The following MAPKAPK5 variants were observed in gnomAD, a reference collection of about 807,000 sequenced individuals.
The protein encoded by MAPKAPK5 is MAPK activated protein kinase 5.
Under a neutral mutation model 65.1 loss-of-function variants are expected in MAPKAPK5, and 30 were observed. The ratio of observed to expected loss-of-function variants is 0.46; its 90% CI spans 0.34 to 0.63. The LOEUF is 0.63. Ranked by LOEUF, MAPKAPK5 falls within the 20% of genes least tolerant of loss-of-function variation. The pLI is 0.01. For missense variants in MAPKAPK5, 433 were observed against 581.4 expected (o/e 0.74, Z 2.63); for synonymous variants, 179 against 204.6 (o/e 0.87, Z 1.07).
At chr12:111,875,297 G>A (rs2069925376) in intron 7 of MAPKAPK5, among the ~76,000 whole-genome samples, 1 of 152,068 alleles carries the variant, frequency 6.6e-6, no homozygotes, top group East Asian at 1.9e-4. Flanking sequence ...TGTGAGTTTT[G>A]TTGTTGCTAT....
At chr12:111,855,941 T>TG (rs2069225523) in intron 1 of MAPKAPK5, among the ~76,000 whole-genome samples, 2 of 150,008 alleles carry the variant, frequency 1.3e-5, no homozygotes, top group Admixed American at 1.3e-4. Context: ...CCGCAACCTC[T>TG]GCCTCCCAGG....
intron 7 of MAPKAPK5, among the ~76,000 whole-genome samples, chr12:111,875,613 C>T (rs1376486383): frequency 6.6e-6 from 1 of 151,978 alleles, no homozygotes; most frequent in East Asian, 1.9e-4. Context: ...GACCTGTGTT[C>T]TTGAGTCTCA....
chr12:111,900,702 A>G lies in MAPKAPK5; in HGVS notation c.*7641A>G, dbSNP rs1336885993. On this transcript the variant is annotated 3_prime_UTR_variant, in exon 14 of 14. Coordinates refer to ENST00000550735, the MANE Select transcript of MAPKAPK5 (RefSeq NM_003668.4). ...GTGCAGTGATGGTCCATGTTGTCATAAGTGTAAATTTCACCGTAAGGGATA... is the reference window on the plus strand; with the variant it reads ...GTGCAGTGATGGTCCATGTTGTCATGAGTGTAAATTTCACCGTAAGGGATA... 2.2e-6 allele frequency: 1 copy of G among 456,010 alleles called. No homozygotes were observed. Among genetic ancestry groups the G allele is most frequent in the Non-Finnish European group, 4.4e-6 (1 of 226,808 alleles). 28.2% of individuals were successfully genotyped at this position (456,010 alleles called of 1,614,324 possible). A position where few individuals can be genotyped will look rare whatever the true frequency, so the allele number is the denominator to read the frequency against.
chr12:111,893,050 G>A lies in MAPKAPK5; in HGVS notation c.1405G>A (p.Glu469Lys), dbSNP rs773696015. 1.5e-5 allele frequency: 24 copies of A among 1,573,306 alleles called. No homozygotes were observed. Among genetic ancestry groups the A allele is most frequent in the Non-Finnish European group, 2.0e-5 (23 of 1,158,768 alleles). The change falls in exon 14 of 14, where the codon GAA (glutamate) becomes AAA (lysine). Residue 469 changes from glutamate (E) to lysine (K), a missense_variant. By Grantham distance (56) the Glu-to-Lys change is moderately conservative. Coordinates refer to ENST00000550735, the MANE Select transcript of MAPKAPK5 (RefSeq NM_003668.4). ...QVIEEQTTSHESQ is the reference protein window; with the variant it reads ...QVIEEQTTSHKSQ ...GATAGAAGAGCAAACCACGTCCCAC[G>A]AATCCCAATAATGACAGCTTCAGAC...
intron 11 of MAPKAPK5, 83 bp downstream of exon 11, chr12:111,888,701 C>G: frequency 6.4e-7 from 1 of 1,574,446 alleles, no homozygotes; most frequent in Non-Finnish European, 8.6e-7. Context: ...ATTTAACTTG[C>G]TCAGCTAGGG....
chr12:111,866,568 G>A (rs2136106380), intron 3 of MAPKAPK5, among the ~76,000 whole-genome samples: 1 of 152,316 alleles, frequency 6.6e-6, no homozygotes, highest in East Asian at 1.9e-4. Context: ...GGTGAATGGT[G>A]TATAAAAGTG....
chr12:111,858,729 G>A (rs1311003960), intron 1 of MAPKAPK5, among the ~76,000 whole-genome samples: 3 of 146,260 alleles, frequency 2.1e-5, no homozygotes, highest in Non-Finnish European at 4.5e-5. Context: ...TTTTAGTAGA[G>A]ACGGGGTTTC....
In MAPKAPK5 at chr12:111,871,147, A is replaced by C. The variant is rs920521390; in HGVS notation, c.546A>C (p.Thr182=). 9.9e-6 allele frequency: 16 copies of C among 1,613,252 alleles called. No individual in the cohort carries two copies. Among genetic ancestry groups the C allele is most frequent in the Non-Finnish European group, 1.4e-5 (16 of 1,179,772 alleles). The change falls in exon 7 of 14, where the codon ACA becomes ACC. Residue 182 remains threonine, a synonymous_variant. Coordinates refer to ENST00000550735, the MANE Select transcript of MAPKAPK5 (RefSeq NM_003668.4). ...AGATTGACCAAGGTGACTTGATGAC[A>C]CCCCAGTTCACCCCTTATTATGTAG... The part of the protein sequence containing the change: ...FAKIDQGDLM[T]PQFTPYYVAP...
chr12:111,879,682 C>G (rs1938730897), intron 7 of MAPKAPK5: 1 of 152,318 alleles, frequency 6.6e-6, no homozygotes, highest in Admixed American at 6.5e-5. Context: ...GCCACCGCAC[C>G]CAGCCTAGTG....
In MAPKAPK5 at chr12:111,842,436, C is replaced by G. The variant is rs1302135429; in HGVS notation, c.-298C>G. The G allele has an allele frequency of 3.8e-6, 1 of 263,238 alleles. No homozygotes were observed. Among genetic ancestry groups the G allele is most frequent in the African/African-American group, 2.2e-5 (1 of 44,852 alleles). The allele number at this position is 263,238 out of a possible 1,614,324, so 16.3% of individuals were successfully genotyped here. On this transcript the variant is annotated 5_prime_UTR_variant, in exon 1 of 14. Transcript: ENST00000550735. Reference sequence around the variant, plus strand: ...GAGGCCCTCCCCGCCTCGCCCTACCCCAGGAGCCTGCCTCCCCAGCTGGGG... The same window carrying G: ...GAGGCCCTCCCCGCCTCGCCCTACCGCAGGAGCCTGCCTCCCCAGCTGGGG...
intron 1 of MAPKAPK5, among the ~76,000 whole-genome samples, chr12:111,853,831 G>A (rs750487949): frequency 5.3e-5 from 8 of 152,124 alleles, no homozygotes; most frequent in African/African-American, 1.9e-4. Flanking sequence ...CACTACGCCC[G>A]GCCTGGCTGA....
At chr12:111,877,244 C>G (rs992579770) in intron 7 of MAPKAPK5, among the ~76,000 whole-genome samples, 3 of 115,374 alleles carry the variant, frequency 2.6e-5, no homozygotes, top group African/African-American at 1.1e-4. Flanking sequence ...GTCTTGAACT[C>G]CTAACCTCAG....
chr12:111,868,912 G>A (rs1417561156), intron 5 of MAPKAPK5, 51 bp downstream of exon 5: 2 of 1,369,876 alleles, frequency 1.5e-6, no homozygotes, highest in Non-Finnish European at 2.0e-6. Context: ...TGGTTAACAA[G>A]CACAATTTCA....
chr12:111,849,229 G>T (rs916125997), intron 1 of MAPKAPK5, among the ~76,000 whole-genome samples: 1 of 151,454 alleles, frequency 6.6e-6, no homozygotes, highest in African/African-American at 2.4e-5. Context: ...TACTGCACCT[G>T]GCCAAGAGTT....
intron 1 of MAPKAPK5, among the ~76,000 whole-genome samples, chr12:111,862,634 G>A (rs1294743247): frequency 1.3e-5 from 2 of 152,170 alleles, no homozygotes; most frequent in Non-Finnish European, 2.9e-5. Context: ...TCGGGAGGCA[G>A]TGAGGCCAGA....
intron 1 of MAPKAPK5, chr12:111,843,424 C>T (rs1003541214): frequency 5.0e-6 from 2 of 396,626 alleles, no homozygotes; most frequent in Admixed American, 4.4e-5. Context: ...TTTTCTAAAA[C>T]CTGTTTTTAA....
chr12:111,858,858 C>G (rs2069334991), intron 1 of MAPKAPK5, among the ~76,000 whole-genome samples: 1 of 147,976 alleles, frequency 6.8e-6, no homozygotes, highest in Non-Finnish European at 1.5e-5. Context: ...CACCTCTGAT[C>G]AGTTTTTCAT....
chr12:111,868,788 G>A lies in MAPKAPK5; in HGVS notation c.320G>A (p.Gly107Glu). 6.4e-7 allele frequency: 1 copy of A among 1,570,936 alleles called. No homozygotes were observed. Among genetic ancestry groups the A allele is most frequent in the Non-Finnish European group, 8.6e-7 (1 of 1,158,082 alleles). Reference protein sequence around the residue: ...RLLIVMEMMEGGELFHRISQH... With the variant: ...RLLIVMEMMEEGELFHRISQH... ...TTAATTGTAATGGAGATGATGGAAG[G>A]GGGAGAGCTATTTCACAGAATCAGC... Residue 107 changes from glycine (G) to glutamate (E), a missense_variant, in exon 5 of 14, where the codon GGG becomes GAG. By Grantham distance (98) the Gly-to-Glu change is moderately conservative. Coordinates refer to ENST00000550735, the MANE Select transcript of MAPKAPK5 (RefSeq NM_003668.4).
At chr12:111,876,167 A>G (rs2069957905) in intron 7 of MAPKAPK5, among the ~76,000 whole-genome samples, 1 of 143,732 alleles carries the variant, frequency 7.0e-6, no homozygotes, top group Non-Finnish European at 1.5e-5. Context: ...AGATTGAGCC[A>G]TTGCACTCCA....
Sources: gnomAD v4.1 joint callset for allele counts (sites outside exome capture counted in the v4.1 genomes callset) on GRCh38, gnomAD v4.1.1 for gene constraint, MANE v1.5 for transcripts, NCBI Gene and HGNC (gene_info 2026-07-23, HGNC 2026-07-21) for gene names.